LUZP2: variants seen among roughly 807,000 people sequenced by gnomAD.
The protein encoded by LUZP2 is leucine zipper protein 2.
A neutral mutation model predicts 51.6 loss-of-function variants in LUZP2; 52 were observed. The ratio of observed to expected loss-of-function variants is 1.01; its 90% CI spans 0.81 to 1.27. The LOEUF is 1.27. Ranked by LOEUF, LUZP2 falls within the 50% of genes most tolerant of loss-of-function variation. The probability of loss-of-function intolerance (pLI) is 0.00; values close to 1 mark genes in which losing one functional copy is unlikely to be tolerated. For synonymous variants in LUZP2, 154 were observed against 137.3 expected, an observed-to-expected ratio of 1.12 and a Z score of -0.85; for missense variants, 436 against 395.4, an observed-to-expected ratio of 1.10 and a Z score of -0.87.
At chr11:25,021,810 AG>A in intron 9 of LUZP2, among the ~76,000 whole-genome samples, 1 of 152,112 alleles carries the variant, frequency 6.6e-6, no homozygotes, top group Admixed American at 6.6e-5. Context: ...GCAGTGACAA[AG>A]AAGAATGGTG....
At chr11:24,551,696 A>G (rs1300828934) in intron 1 of LUZP2, among the ~76,000 whole-genome samples, 1 of 152,048 alleles carries the variant, frequency 6.6e-6, no homozygotes, top group African/African-American at 2.4e-5. Flanking sequence ...TTGGAAATAT[A>G]GAGGAAAATC....
At chr11:24,927,082 AT>A (rs1854301330) in intron 7 of LUZP2, among the ~76,000 whole-genome samples, 1 of 149,120 alleles carries the variant, frequency 6.7e-6, no homozygotes, top group African/African-American at 2.4e-5. Flanking sequence ...TCTTAGCCAA[AT>A]TTTGATGGGA....
chr11:24,791,549 T>G (rs1849409580), intron 5 of LUZP2, among the ~76,000 whole-genome samples: 1 of 152,114 alleles, frequency 6.6e-6, no homozygotes, highest in Non-Finnish European at 1.5e-5. Context: ...TTAAAAGCTT[T>G]TTTTCTTTTT....
At position 24,771,785 on chromosome 11, in the gene LUZP2, G is replaced by A. The variant is rs117209443; in HGVS notation, c.396+8477G>A. ...TTCCCCGTACTGTTCTCCCAGTAGTGAATAAGTCTCATGAGATCTGATGGT... is the reference window on the plus strand; with the variant it reads ...TTCCCCGTACTGTTCTCCCAGTAGTAAATAAGTCTCATGAGATCTGATGGT... On this transcript the variant is annotated intron_variant, in intron 5 of 11. Coordinates refer to ENST00000336930, the MANE Select transcript of LUZP2 (RefSeq NM_001009909.4). 6.6e-3 allele frequency among the ~76,000 whole-genome samples: 1,003 copies of A among 152,150 alleles called. 5 individuals carry two copies. The highest frequency in any genetic ancestry group is 0.011 in the Non-Finnish European group (764 of 68,010).
chr11:24,959,385 G>A (rs1241723231), intron 7 of LUZP2, among the ~76,000 whole-genome samples: 1 of 152,166 alleles, frequency 6.6e-6, no homozygotes, highest in African/African-American at 2.4e-5. Context: ...TCCTACCCAT[G>A]AGCATGGAAT....
chr11:24,807,465 G>GAAA (rs56048182), intron 5 of LUZP2, among the ~76,000 whole-genome samples: 7 of 139,524 alleles, frequency 5.0e-5, no homozygotes, highest in South Asian at 2.3e-4. Flanking sequence ...CATCTCAAAA[G>GAAA]AAAAAAAAAA....
intron 9 of LUZP2, among the ~76,000 whole-genome samples, chr11:25,045,026 A>C (rs1179547046): frequency 1.9e-5 from 2 of 107,216 alleles, no homozygotes; most frequent in African/African-American, 7.5e-5. Context: ...ACATGGACAC[A>C]GGAAGGGGAA....
chr11:24,882,447 G>A (rs949126869), intron 5 of LUZP2, among the ~76,000 whole-genome samples: 3 of 151,858 alleles, frequency 2.0e-5, no homozygotes, highest in Non-Finnish European at 4.4e-5. Context: ...TTGAAACGTC[G>A]TTATCACCCC....
At chr11:24,527,612 C>T (rs1000909660) in intron 1 of LUZP2, among the ~76,000 whole-genome samples, 12 of 146,346 alleles carry the variant, frequency 8.2e-5, no homozygotes, top group Non-Finnish European at 1.2e-4. Context: ...TATTTGTTGG[C>T]ATCTTCTAGA....
In LUZP2 at chr11:24,678,975, C is replaced by T. The variant is rs1440765435; in HGVS notation, c.63-50194C>T. On this transcript the variant is annotated intron_variant, in intron 1 of 11. Coordinates refer to ENST00000336930, the MANE Select transcript of LUZP2 (RefSeq NM_001009909.4). ...TGGCATTTAGACTAAGTGTTATGTC[C>T]TCTAGCTAGGAAATGAGTTGTGAGA... 3.3e-5 allele frequency among the ~76,000 whole-genome samples: 5 copies of T among 152,222 alleles called. No individual in the cohort carries two copies. In the East Asian group the frequency reaches 9.6e-4, roughly 29 times the overall value.
At chr11:24,783,715 G>A (rs1488774517) in intron 5 of LUZP2, among the ~76,000 whole-genome samples, 1 of 151,926 alleles carries the variant, frequency 6.6e-6, no homozygotes. Flanking sequence ...TGCTCCAGCA[G>A]TGCACTACCC....
At chr11:25,032,006 G>GGA (rs1431602492) in intron 9 of LUZP2, among the ~76,000 whole-genome samples, 6 of 151,998 alleles carry the variant, frequency 3.9e-5, no homozygotes, top group African/African-American at 1.4e-4. Flanking sequence ...CCTAAAAATT[G>GGA]GACAGGGAGG....
chr11:24,983,038 A>G lies in LUZP2; in HGVS notation c.598-88A>G, dbSNP rs1856083700. The G allele has an allele frequency of 6.4e-6, 8 of 1,246,998 alleles. No individual in the cohort carries two copies. The South Asian group carries it at 1.2e-4, about 18-fold the overall frequency. The allele number at this position is 1,246,998 out of a possible 1,614,324, so 77.2% of individuals were successfully genotyped here. A position where few individuals can be genotyped will look rare whatever the true frequency, so the allele number is the denominator to read the frequency against. ...AAAAGTGATATGTATTTTTGTGGGG[A>G]GTATAGGCTAAGAGGAAAGGGAGAA... On this transcript the variant is annotated intron_variant, in intron 8 of 11. Coordinates refer to ENST00000336930, the MANE Select transcript of LUZP2 (RefSeq NM_001009909.4).
chr11:24,787,468 CATT>C (rs1409320617), intron 5 of LUZP2, among the ~76,000 whole-genome samples: 1 of 152,086 alleles, frequency 6.6e-6, no homozygotes, highest in Non-Finnish European at 1.5e-5. Context: ...TTATTATTAT[CATT>C]GGTAATTAAT....
chr11:24,796,395 CCACAA>C (rs1849544912), intron 5 of LUZP2, among the ~76,000 whole-genome samples: 1 of 151,798 alleles, frequency 6.6e-6, no homozygotes, highest in Non-Finnish European at 1.5e-5. Flanking sequence ...TTATTATTAA[CCACAA>C]ACAACTTGTA....
intron 1 of LUZP2, among the ~76,000 whole-genome samples, chr11:24,578,560 TTA>T (rs1852738983): frequency 1.1e-5 from 1 of 92,048 alleles, no homozygotes; most frequent in Non-Finnish European, 2.6e-5. Flanking sequence ...GTGGGCTGGA[TTA>T]AAAAAAAAAA....
intron 9 of LUZP2, among the ~76,000 whole-genome samples, chr11:25,014,311 T>G (rs549942836): frequency 6.6e-6 from 1 of 152,358 alleles, no homozygotes; most frequent in African/African-American, 2.4e-5. Context: ...TCTAGATCCC[T>G]GAGGAATCAC....
intron 9 of LUZP2, among the ~76,000 whole-genome samples, chr11:25,018,873 G>T (rs1857245287): frequency 6.6e-6 from 1 of 152,068 alleles, no homozygotes; most frequent in South Asian, 2.1e-4. Flanking sequence ...CGCCCATAGT[G>T]CTGGGATTAC....
At chr11:24,619,080 G>A (rs1854401734) in intron 1 of LUZP2, among the ~76,000 whole-genome samples, 1 of 151,858 alleles carries the variant, frequency 6.6e-6, no homozygotes. Flanking sequence ...CCAAGTTGCA[G>A]TGCAATGGCA....
Sources: allele counts gnomAD v4.1 joint callset (sites outside exome capture counted in the v4.1 genomes callset), GRCh38; gene constraint gnomAD v4.1.1; transcripts MANE v1.5; gene names NCBI Gene and HGNC (gene_info 2026-07-23, HGNC 2026-07-21).